The following ZNF143 variants were observed in gnomAD, a reference collection of about 807,000 sequenced individuals.
ZNF143 encodes SPH-binding factor.
ZNF143 carries 49 observed loss-of-function variants against 74.1 expected under a neutral mutation model. The observed-to-expected ratio is 0.66, with a 90% CI of 0.53 to 0.84. The LOEUF is 0.84. ZNF143 is among the 40% of genes least tolerant of loss of function. The pLI is 0.00. For synonymous variants in ZNF143, 304 were observed against 282.8 expected (o/e 1.07, Z -0.75); for missense variants, 637 against 793.4 (o/e 0.80, Z 2.37).
chr11:9,524,966 C>T (rs1849073545), intron 14 of ZNF143, among the ~76,000 whole-genome samples: 1 of 152,160 alleles, frequency 6.6e-6, no homozygotes, highest in South Asian at 2.1e-4. Flanking sequence ...AATCTAGGTA[C>T]AGCCACATCT....
At chr11:9,514,601 A>C (rs1167423120) in intron 13 of ZNF143, among the ~76,000 whole-genome samples, 1 of 152,222 alleles carries the variant, frequency 6.6e-6, no homozygotes, top group African/African-American at 2.4e-5. Context: ...TCCTAAAGTA[A>C]TCTTGCAGAT....
At chr11:9,495,428 G>A (rs183187998) in intron 8 of ZNF143, among the ~76,000 whole-genome samples, 5 of 152,256 alleles carry the variant, frequency 3.3e-5, no homozygotes, top group African/African-American at 4.8e-5. Flanking sequence ...GCAACAGAGC[G>A]AAACTCCATC....
intron 7 of ZNF143, 88 bp from the exon 8 acceptor site, chr11:9,494,558 A>C (rs1589905794): frequency 7.4e-7 from 1 of 1,355,138 alleles, no homozygotes; most frequent in Non-Finnish European, 1.0e-6. Flanking sequence ...TGATCCGCCT[A>C]CCTCTGCCTC....
intron 11 of ZNF143, among the ~76,000 whole-genome samples, chr11:9,504,424 A>T (rs1848280354): frequency 7.9e-6 from 1 of 126,698 alleles, no homozygotes; most frequent in Non-Finnish European, 1.9e-5. Context: ...TATATTAGTT[A>T]CAGATATTTT....
At chr11:9,523,194 G>A (rs1848999875) in intron 14 of ZNF143, among the ~76,000 whole-genome samples, 1 of 152,030 alleles carries the variant, frequency 6.6e-6, no homozygotes, top group Admixed American at 6.5e-5. Flanking sequence ...TAAATTACGT[G>A]TTGTGGCTGG....
At chr11:9,475,910 A>ATGTGTGTG (rs61636956) in intron 5 of ZNF143, among the ~76,000 whole-genome samples, 1,401 of 137,322 alleles carry the variant, frequency 0.01, 16 homozygotes, top group East Asian at 0.033. Context: ...AAAAATATAT[A>ATGTGTGTG]TGTGTGTGTG....
intron 1 of ZNF143, among the ~76,000 whole-genome samples, chr11:9,466,836 T>C (rs1856251576): frequency 6.7e-6 from 1 of 149,946 alleles, no homozygotes; most frequent in Non-Finnish European, 1.5e-5. Context: ...GCAGTAAAGA[T>C]ATTATTGTAA....
In ZNF143 at chr11:9,516,299, C is replaced by T. The variant is rs1848721315; in HGVS notation, c.1623C>T (p.Val541=). The T allele has an allele frequency of 6.2e-7, 1 of 1,613,956 alleles. No individual in the cohort carries two copies. Among genetic ancestry groups the T allele is most frequent in the Non-Finnish European group, 8.5e-7 (1 of 1,179,984 alleles). The part of the protein sequence containing the change: ...TPITVPAHDA[V]ISSAGTHSVA... ...TCACAGTCCCCGCCCATGATGCAGTCATCTCCTCAGCAGGAACGCACTCTG... is the reference window on the plus strand; with the variant it reads ...TCACAGTCCCCGCCCATGATGCAGTTATCTCCTCAGCAGGAACGCACTCTG... Residue 541 remains valine, a synonymous_variant, in exon 14 of 16, where the codon GTC becomes GTT. Transcript: ENST00000396602.
intron 1 of ZNF143, among the ~76,000 whole-genome samples, chr11:9,464,543 G>T (rs937706675): frequency 2.0e-5 from 3 of 152,062 alleles, no homozygotes; most frequent in African/African-American, 4.8e-5. Flanking sequence ...GGAGGTTGCA[G>T]TGAGCTGAGA....
chr11:9,497,226 T>C (rs1847991276), intron 9 of ZNF143, among the ~76,000 whole-genome samples: 1 of 152,202 alleles, frequency 6.6e-6, no homozygotes, highest in African/African-American at 2.4e-5. Context: ...ATGATACTTT[T>C]GTACATTTTT....
chr11:9,484,791 T>C (rs1276177529), intron 7 of ZNF143, among the ~76,000 whole-genome samples: 12 of 134,510 alleles, frequency 8.9e-5, no homozygotes, highest in South Asian at 7.1e-4. Context: ...CCACCGCACC[T>C]GGCCAAAGAT....
intron 9 of ZNF143, among the ~76,000 whole-genome samples, chr11:9,496,741 C>T (rs192435144): frequency 1.5e-3 from 221 of 151,994 alleles, no homozygotes; most frequent in Non-Finnish European, 2.1e-3. Context: ...GGATTACAGG[C>T]GCTCGTCATC....
chr11:9,479,836 CT>C (rs1847167634), intron 7 of ZNF143, among the ~76,000 whole-genome samples: 1 of 152,354 alleles, frequency 6.6e-6, no homozygotes, highest in South Asian at 2.1e-4. Flanking sequence ...GACCAGGTGA[CT>C]TCCTGACTGC....
intron 1 of ZNF143, 50 bp downstream of exon 1, chr11:9,461,126 CCGCCGCCCTCAGCGCGGCG>C (rs2133788513): frequency 2.0e-6 from 2 of 978,280 alleles, no homozygotes; most frequent in Middle Eastern, 5.2e-4. Context: ...CTCCGCCTGG[CCGCCGCCCTCAGCGCGGCG>C]GCGCGGGCCC....
At chr11:9,474,921 C>T (rs1856788939) in intron 5 of ZNF143, among the ~76,000 whole-genome samples, 1 of 152,214 alleles carries the variant, frequency 6.6e-6, no homozygotes, top group East Asian at 1.9e-4. Flanking sequence ...CAGGGTCTCA[C>T]TCTGTTGCCA....
At position 9,483,643 on chromosome 11, in the gene ZNF143, G is replaced by T. The variant is rs760931368; in HGVS notation, c.645+4097G>T. Among the ~76,000 whole-genome samples the T allele has an allele frequency of 2.0e-5, 3 of 150,318 alleles. No homozygotes were observed. In the East Asian group the frequency reaches 5.9e-4, roughly 29 times the overall value. The stretch of plus-strand genomic sequence containing the variant: ...TTTTGAGACTGAGTCTTGCTCTGTC[G>T]CTTAGGCTGGAGTGCAATGGTGCAG... On this transcript the variant is annotated intron_variant, in intron 7 of 15. Coordinates refer to ENST00000396602, the MANE Select transcript of ZNF143 (RefSeq NM_003442.6).
chr11:9,514,165 T>A (rs1848646483), intron 13 of ZNF143, among the ~76,000 whole-genome samples: 1 of 152,214 alleles, frequency 6.6e-6, no homozygotes, highest in Non-Finnish European at 1.5e-5. Context: ...CCCAGAGCGC[T>A]GGGATTTCAG....
At chr11:9,475,402 C>A (rs1455504707) in intron 5 of ZNF143, among the ~76,000 whole-genome samples, 1 of 152,098 alleles carries the variant, frequency 6.6e-6, no homozygotes, top group Non-Finnish European at 1.5e-5. Flanking sequence ...TAGGACTACA[C>A]GTGTGTGTCA....
At chr11:9,497,640 T>C in intron 9 of ZNF143, 35 bp from the exon 10 acceptor site, 1 of 1,516,876 alleles carries the variant, frequency 6.6e-7, no homozygotes, top group Non-Finnish European at 9.0e-7. Flanking sequence ...AGAGCAGTAT[T>C]GTGTAATTAA....
Sources: gnomAD v4.1 joint callset for allele counts (sites outside exome capture counted in the v4.1 genomes callset) on GRCh38, gnomAD v4.1.1 for gene constraint, MANE v1.5 for transcripts, NCBI Gene and HGNC (gene_info 2026-07-23, HGNC 2026-07-21) for gene names.